ATP11A: variants seen among roughly 807,000 people sequenced by gnomAD.
ATP11A encodes the protein phospholipid-transporting ATPase IH.
Under a neutral mutation model 154.4 loss-of-function variants are expected in ATP11A, and 81 were observed. The observed-to-expected ratio is 0.52, with a 90% CI of 0.44 to 0.63. ATP11A has a LOEUF of 0.63. ATP11A is among the 30% of genes least tolerant of loss of function. The probability of loss-of-function intolerance (pLI) is 0.00; values close to 1 mark genes in which losing one functional copy is unlikely to be tolerated. For synonymous variants in ATP11A, 623 were observed against 585.9 expected (o/e 1.06, Z -0.91); for missense variants, 1,316 against 1,474.3 (o/e 0.89, Z 1.76).
chr13:112,741,247 C>T (rs1227299241), intron 1 of ATP11A, among the ~76,000 whole-genome samples: 2 of 151,624 alleles, frequency 1.3e-5, no homozygotes, highest in African/African-American at 4.9e-5. Flanking sequence ...GGCAGCCACA[C>T]TGGGGGTGGA....
chr13:112,836,756 T>TCCGGAA (rs748995099), intron 16 of ATP11A, among the ~76,000 whole-genome samples: 21 of 152,366 alleles, frequency 1.4e-4, no homozygotes, highest in Non-Finnish European at 2.2e-4. Flanking sequence ...CGGTTCGTGC[T>TCCGGAA]CCGGAATGCT....
intron 1 of ATP11A, among the ~76,000 whole-genome samples, chr13:112,711,405 G>A (rs1013230388): frequency 2.6e-5 from 4 of 151,964 alleles, no homozygotes; most frequent in Non-Finnish European, 5.9e-5. Context: ...CCAGGAGTTC[G>A]AAGCCAACCT....
intron 1 of ATP11A, among the ~76,000 whole-genome samples, chr13:112,759,343 C>G (rs1350292542): frequency 6.6e-6 from 1 of 152,166 alleles, no homozygotes; most frequent in African/African-American, 2.4e-5. Context: ...AGTCTTGTTC[C>G]AGCCACCCGC....
At chr13:112,820,124 ATCTGTGAATG>A (rs917645688) in intron 8 of ATP11A, among the ~76,000 whole-genome samples, 174 bp downstream of exon 8, 1 of 152,196 alleles carries the variant, frequency 6.6e-6, no homozygotes, top group Non-Finnish European at 1.5e-5. Context: ...TCAGGCACAC[ATCTGTGAATG>A]TTGACAAGTT....
chr13:112,723,461 G>C (rs917163854), intron 1 of ATP11A, among the ~76,000 whole-genome samples: 1 of 148,774 alleles, frequency 6.7e-6, no homozygotes, highest in Non-Finnish European at 1.5e-5. Context: ...TAGTAGAGAC[G>C]GGGTTTCACA....
chr13:112,762,800 C>A (rs1327845270), intron 1 of ATP11A, among the ~76,000 whole-genome samples: 1 of 152,228 alleles, frequency 6.6e-6, no homozygotes, highest in Non-Finnish European at 1.5e-5. Context: ...CAAATGCTCA[C>A]GGTATGACGG....
At chr13:112,791,520 G>A (rs1002208436) in intron 2 of ATP11A, among the ~76,000 whole-genome samples, 1 of 152,248 alleles carries the variant, frequency 6.6e-6, no homozygotes, top group Non-Finnish European at 1.5e-5. Context: ...CCTGGCAGGG[G>A]CTGGCGGGAA....
At chr13:112,852,528 C>A (rs972058279) in intron 18 of ATP11A, among the ~76,000 whole-genome samples, 1 of 152,176 alleles carries the variant, frequency 6.6e-6, no homozygotes, top group African/African-American at 2.4e-5. Flanking sequence ...GGGCCACGGC[C>A]GCCGAAAGGC....
At chr13:112,864,917 A>G (rs2080269029) in intron 25 of ATP11A, among the ~76,000 whole-genome samples, 1 of 57,378 alleles carries the variant, frequency 1.7e-5, no homozygotes, top group African/African-American at 5.2e-5. Flanking sequence ...GTCCATCACC[A>G]CCTGCGCAGT....
chr13:112,789,350 C>G (rs1205892787), intron 2 of ATP11A, among the ~76,000 whole-genome samples: 3 of 151,172 alleles, frequency 2.0e-5, no homozygotes, highest in African/African-American at 7.3e-5. Context: ...CACCGAGTGT[C>G]CTGACGTGTA....
At chr13:112,725,961 G>A (rs973105384) in intron 1 of ATP11A, among the ~76,000 whole-genome samples, 2 of 152,244 alleles carry the variant, frequency 1.3e-5, no homozygotes, top group Non-Finnish European at 2.9e-5. Flanking sequence ...GGCGGGAAGC[G>A]GTGGCCCTGG....
chr13:112,767,966 C>G (rs2077136580), intron 1 of ATP11A, among the ~76,000 whole-genome samples: 1 of 152,152 alleles, frequency 6.6e-6, no homozygotes, highest in Non-Finnish European at 1.5e-5. Flanking sequence ...AAGCGCTGGT[C>G]ACAGAAACGC....
chr13:112,880,407 C>T, intron 29 of ATP11A: 3 of 668,566 alleles, frequency 4.5e-6, no homozygotes, highest in Non-Finnish European at 4.0e-6. Context: ...CTGGCAGCTC[C>T]ATGACACCCC....
At chr13:112,812,694 A>G (rs549822719) in intron 5 of ATP11A, among the ~76,000 whole-genome samples, 40 of 152,350 alleles carry the variant, frequency 2.6e-4, no homozygotes, top group Non-Finnish European at 4.3e-4. Flanking sequence ...CACCAAATGT[A>G]CTTTTAAGCA....
rs1197419859 is a variant in ATP11A at position 112,690,558 on chromosome 13, G to C, written c.39+103G>C. The stretch of plus-strand genomic sequence containing the variant: ...CCGGTCCAGCCCCGGGGTCCCGGGA[G>C]GTCTCCGATGTCTGGGACTCGGACC... On this transcript the variant is annotated intron_variant, in intron 1 of 29. Coordinates refer to ENST00000375645, the MANE Select transcript of ATP11A (RefSeq NM_015205.3). This position sits in a 1 kb window ranked among gnomAD's most constrained non-coding sequence, Gnocchi z 5.6. 5 of 1,132,704 alleles carry C rather than the reference G, an allele frequency of 4.4e-6. No homozygotes were observed. The highest frequency in any genetic ancestry group is 4.3e-5 in the Admixed American group (1 of 23,054). 70.2% of individuals were successfully genotyped at this position (1,132,704 alleles called of 1,614,324 possible).
chr13:112,831,571 T>TC, intron 13 of ATP11A, 23 bp downstream of exon 13: 3 of 1,606,546 alleles, frequency 1.9e-6, no homozygotes, highest in Non-Finnish European at 2.6e-6. Flanking sequence ...CCCCACGCCG[T>TC]CCAAGTGTGT....
chr13:112,871,118 C>T (rs2080505970), intron 25 of ATP11A, among the ~76,000 whole-genome samples: 1 of 152,222 alleles, frequency 6.6e-6, no homozygotes, highest in Non-Finnish European at 1.5e-5. Flanking sequence ...GGGAAGCCCC[C>T]AGGCTTCCCC....
chr13:112,716,996 G>A lies in ATP11A; in HGVS notation c.39+26541G>A, dbSNP rs188552822. Among the ~76,000 whole-genome samples, 689 of 152,168 alleles carry A rather than the reference G, an allele frequency of 4.5e-3. 4 individuals are homozygous for A. Among genetic ancestry groups the A allele is most frequent in the Non-Finnish European group, 8.4e-3 (572 of 67,986 alleles). ...GTCCACCCACAGACGCAGACCCACT[G>A]GCCTGCAGGGCCCATAGAGGCTGTT... is the stretch of plus-strand genomic sequence containing the variant. On this transcript the variant is annotated intron_variant, in intron 1 of 29. Transcript: ENST00000375645.
At chr13:112,741,546 G>A (rs1206534270) in intron 1 of ATP11A, among the ~76,000 whole-genome samples, 3 of 152,162 alleles carry the variant, frequency 2.0e-5, no homozygotes, top group Non-Finnish European at 2.9e-5. Context: ...TTGCATCAGC[G>A]GTGGAGGGTG....
Sources: gnomAD v4.1 joint callset for allele counts (sites outside exome capture counted in the v4.1 genomes callset) on GRCh38, gnomAD v4.1.1 for gene constraint, Gnocchi (gnomAD v3.1) non-coding constraint, MANE v1.5 for transcripts, NCBI Gene and HGNC (gene_info 2026-07-23, HGNC 2026-07-21) for gene names.